Variants in MEF2A observed in about 807,000 individuals in gnomAD.
The protein encoded by MEF2A is myocyte enhancer factor 2A.
A neutral mutation model predicts 55.8 loss-of-function variants in MEF2A; 28 were observed. The observed-to-expected ratio is 0.50, with a 90% confidence interval of 0.37 to 0.69. The LOEUF is 0.69. Among genes scored for constraint, MEF2A ranks in the 30% least tolerant of loss-of-function variants. The pLI is 0.00. For missense variants in MEF2A, 528 were observed against 626.2 expected (o/e 0.84, Z 1.67); for synonymous variants, 239 against 227.1 (o/e 1.05, Z -0.47).
intron 1 of MEF2A, among the ~76,000 whole-genome samples, chr15:99,579,756 T>C (rs947563920): frequency 2.6e-5 from 4 of 152,228 alleles, no homozygotes; most frequent in African/African-American, 9.6e-5. Flanking sequence ...TTCCCTCTTT[T>C]GTCAGTATAG....
chr15:99,661,782 A>C (rs1325935477), intron 4 of MEF2A, among the ~76,000 whole-genome samples: 1 of 152,100 alleles, frequency 6.6e-6, no homozygotes, highest in East Asian at 1.9e-4. Context: ...TATTCCTAAG[A>C]ATACATACCC....
At chr15:99,679,457 GATAC>G (rs2052777844) in intron 7 of MEF2A, among the ~76,000 whole-genome samples, 1 of 152,174 alleles carries the variant, frequency 6.6e-6, no homozygotes, top group African/African-American at 2.4e-5. Context: ...AAAGAAGATA[GATAC>G]ATACTCAAGA....
At chr15:99,639,183 T>C (rs2044439399) in intron 3 of MEF2A, among the ~76,000 whole-genome samples, 2 of 152,286 alleles carry the variant, frequency 1.3e-5, no homozygotes, top group East Asian at 1.9e-4. Context: ...GTTATATGTA[T>C]TTTTATTTTT....
At chr15:99,589,746 T>C (rs1286004009) in intron 1 of MEF2A, among the ~76,000 whole-genome samples, 1 of 152,128 alleles carries the variant, frequency 6.6e-6, no homozygotes, top group Non-Finnish European at 1.5e-5. Context: ...ATCCATGAGT[T>C]ATTTAGAAAT....
At chr15:99,590,500 T>C (rs1395412284) in intron 1 of MEF2A, among the ~76,000 whole-genome samples, 1 of 150,724 alleles carries the variant, frequency 6.6e-6, no homozygotes, top group Non-Finnish European at 1.5e-5. Flanking sequence ...TAATTATTGA[T>C]ATAGTTAGAT....
chr15:99,693,278 G>C (rs1044488050), intron 8 of MEF2A, among the ~76,000 whole-genome samples: 2 of 152,168 alleles, frequency 1.3e-5, no homozygotes, highest in African/African-American at 2.4e-5. Context: ...AAGTATCCAA[G>C]AGCTATGCAC....
In MEF2A at chr15:99,670,102, G is replaced by C. The variant is rs552254687; in HGVS notation, c.259-1221G>C. ...CCCACTAGGATTTTTTAAAAAAGAAGAAAGAAAGAAATAAGACATTCTGAA... is the reference window on the plus strand; with the variant it reads ...CCCACTAGGATTTTTTAAAAAAGAACAAAGAAAGAAATAAGACATTCTGAA... On this transcript the variant is annotated intron_variant, in intron 4 of 11. Coordinates refer to ENST00000557942, the MANE Select transcript of MEF2A (RefSeq NM_001319206.4). Among the ~76,000 whole-genome samples the C allele has an allele frequency of 7.2e-5, 11 of 152,124 alleles. No individual in the cohort carries two copies. The South Asian group carries it at 2.3e-3, about 32-fold the overall frequency.
intron 2 of MEF2A, among the ~76,000 whole-genome samples, chr15:99,621,673 C>A (rs2041199484): frequency 6.6e-6 from 1 of 152,152 alleles, no homozygotes; most frequent in Non-Finnish European, 1.5e-5. Context: ...TCCTATTTGA[C>A]ATTTTCACTT....
chr15:99,669,509 C>A (rs1466719644), intron 4 of MEF2A, among the ~76,000 whole-genome samples: 1 of 152,164 alleles, frequency 6.6e-6, no homozygotes, highest in Non-Finnish European at 1.5e-5. Context: ...ACAACAGGAC[C>A]TTTTATGGCC....
At chr15:99,598,647 G>A (rs1215773700) in intron 2 of MEF2A, 136 bp downstream of exon 2, 1 of 152,150 alleles carries the variant, frequency 6.6e-6, no homozygotes, top group Admixed American at 6.5e-5. Flanking sequence ...TTTAGACCCA[G>A]TTGAGGAAAT....
At chr15:99,644,557 C>A (rs1245068087) in intron 3 of MEF2A, among the ~76,000 whole-genome samples, 1 of 152,158 alleles carries the variant, frequency 6.6e-6, no homozygotes, top group Non-Finnish European at 1.5e-5. Context: ...GATTTTAAGT[C>A]TAGGCCAGTA....
chr15:99,622,139 C>T (rs1267123928), intron 2 of MEF2A, among the ~76,000 whole-genome samples: 1 of 152,128 alleles, frequency 6.6e-6, no homozygotes, highest in Non-Finnish European at 1.5e-5. Flanking sequence ...TAAATTAAGA[C>T]AGTAGAGCCC....
At chr15:99,567,796 A>G (rs1477678018) in intron 1 of MEF2A, among the ~76,000 whole-genome samples, 2 of 152,236 alleles carry the variant, frequency 1.3e-5, no homozygotes, top group Non-Finnish European at 2.9e-5. Flanking sequence ...ACACACCTGT[A>G]TATCATAAAA....
chr15:99,652,021 A>G (rs2046928734), intron 4 of MEF2A, among the ~76,000 whole-genome samples: 1 of 152,202 alleles, frequency 6.6e-6, no homozygotes, highest in African/African-American at 2.4e-5. Context: ...AGTACTTACC[A>G]TCAGATAAAG....
intron 5 of MEF2A, among the ~76,000 whole-genome samples, chr15:99,672,332 A>G (rs1205322776): frequency 6.6e-6 from 1 of 152,256 alleles, no homozygotes; most frequent in African/African-American, 2.4e-5. Flanking sequence ...TGCAAAACAA[A>G]TAGTGACTTT....
chr15:99,668,637 T>C (rs907915958), intron 4 of MEF2A, among the ~76,000 whole-genome samples: 34 of 149,986 alleles, frequency 2.3e-4, no homozygotes, highest in African/African-American at 8.4e-4. Flanking sequence ...TAAGCAGATC[T>C]CTCATAGTGG....
At chr15:99,655,145 G>T (rs2047490534) in intron 4 of MEF2A, among the ~76,000 whole-genome samples, 2 of 152,154 alleles carry the variant, frequency 1.3e-5, no homozygotes. Flanking sequence ...AAGTAATTCA[G>T]TGTGGTATTT....
At chr15:99,596,396 CAA>C (rs534155471) in intron 1 of MEF2A, among the ~76,000 whole-genome samples, 1 of 134,540 alleles carries the variant, frequency 7.4e-6, no homozygotes. Flanking sequence ...TTTACCTTTG[CAA>C]AAAAAAAAAA....
chr15:99,621,596 A>G (rs577089541), intron 2 of MEF2A, among the ~76,000 whole-genome samples: 2 of 151,942 alleles, frequency 1.3e-5, no homozygotes, highest in South Asian at 4.2e-4. Context: ...TCCCTTTACT[A>G]TTGTCTATAT....
Sources: allele counts gnomAD v4.1 joint callset (sites outside exome capture counted in the v4.1 genomes callset), GRCh38; gene constraint gnomAD v4.1.1; transcripts MANE v1.5; gene names NCBI Gene and HGNC (gene_info 2026-07-23, HGNC 2026-07-21).